The following LRP1B variants were observed in gnomAD, a reference collection of about 807,000 sequenced individuals.
LRP1B encodes LDL receptor related protein 1B.
A neutral mutation model predicts 556.6 loss-of-function variants in LRP1B; 217 were observed. That is an observed-to-expected ratio of 0.39 (90% confidence interval 0.35 to 0.44). The LOEUF is 0.44. Ranked by LOEUF, LRP1B falls within the 20% of genes least tolerant of loss-of-function variation. The probability of loss-of-function intolerance (pLI) is 1.00; values close to 1 mark genes in which losing one functional copy is unlikely to be tolerated. For missense variants in LRP1B, 5,053 were observed against 5,620.8 expected (o/e 0.90, Z 3.23); for synonymous variants, 2,047 against 1,865.8 (o/e 1.10, Z -2.50).
intron 62 of LRP1B, among the ~76,000 whole-genome samples, chr2:140,453,752 T>C (rs191050357): frequency 5.9e-5 from 9 of 152,310 alleles, no homozygotes; most frequent in Admixed American, 5.9e-4. Context: ...TCTCAGATTA[T>C]GTTTTCAATC....
chr2:142,083,095 C>G (rs928642031), intron 1 of LRP1B, among the ~76,000 whole-genome samples: 2 of 152,148 alleles, frequency 1.3e-5, no homozygotes, highest in East Asian at 3.9e-4. Context: ...AGAAAACTGG[C>G]TCAAGGTAGA....
At chr2:140,335,562 TC>T in intron 78 of LRP1B, 52 bp downstream of exon 78, 1 of 1,078,882 alleles carries the variant, frequency 9.3e-7, no homozygotes, top group Non-Finnish European at 1.4e-6. Flanking sequence ...GAGCATAATT[TC>T]TAAAAAGGAT....
intron 1 of LRP1B, among the ~76,000 whole-genome samples, chr2:141,913,592 CT>C (rs1366307185): frequency 2.0e-5 from 3 of 151,954 alleles, no homozygotes; most frequent in Non-Finnish European, 2.9e-5. Flanking sequence ...AAGAAACTTT[CT>C]CAATTACAAG....
chr2:140,689,921 T>C (rs1201614066), intron 41 of LRP1B, among the ~76,000 whole-genome samples: 2 of 152,214 alleles, frequency 1.3e-5, no homozygotes, highest in Non-Finnish European at 2.9e-5. Flanking sequence ...CTCCCAAGCC[T>C]GAACACCTAT....
At chr2:140,563,846 G>A (rs113415695) in intron 43 of LRP1B, among the ~76,000 whole-genome samples, 2,671 of 152,174 alleles carry the variant, frequency 0.018, 77 homozygotes, top group African/African-American at 0.061. Context: ...ATATTTTACC[G>A]AATAGACAGA....
At position 140,541,111 on chromosome 2, in the gene LRP1B, G is replaced by C; in HGVS notation, c.7388-13C>G. On this transcript the variant is annotated splice_polypyrimidine_tract_variant and intron_variant, in intron 44 of 90. Transcript: ENST00000389484. ...GGAGAAAGTTCACCTACAATAAAGA[G>C]GGTGTATTGGTAACATTTTATATCG... The C allele has an allele frequency of 6.3e-7, 1 of 1,598,672 alleles. No homozygotes were observed. The highest frequency in any genetic ancestry group is 8.6e-7 in the Non-Finnish European group (1 of 1,168,906).
intron 1 of LRP1B, among the ~76,000 whole-genome samples, chr2:141,917,754 A>T (rs914057485): frequency 1.3e-5 from 2 of 152,184 alleles, no homozygotes; most frequent in Admixed American, 6.5e-5. Context: ...CTACTGTCAC[A>T]ATTATGTAAT....
chr2:141,827,425 T>C (rs1046841646), intron 1 of LRP1B, among the ~76,000 whole-genome samples: 1 of 152,184 alleles, frequency 6.6e-6, no homozygotes, highest in African/African-American at 2.4e-5. Context: ...CTTCCTCTGT[T>C]TGGGGGCATC....
rs777000472 is a variant in LRP1B, at chr2:140,506,780, T to G, written c.8521+16A>C. The G allele has an allele frequency of 1.2e-6, 2 of 1,601,778 alleles. No homozygotes were observed. Among genetic ancestry groups the G allele is most frequent in the East Asian group, 4.5e-5 (2 of 44,618 alleles). On this transcript the variant is annotated intron_variant, in intron 53 of 90. Transcript: ENST00000389484. ...TAGCCTAGGAATCTCCTTCATGAAG[T>G]TTTAGATGTACTTACCACACTGCGG...
intron 1 of LRP1B, among the ~76,000 whole-genome samples, chr2:142,046,208 TG>T (rs995142386): frequency 4.0e-5 from 6 of 151,828 alleles, no homozygotes; most frequent in Admixed American, 6.6e-5. Flanking sequence ...TTTTCAGGGT[TG>T]GGGGGCAGTT....
At chr2:141,358,053 G>A (rs535459304) in intron 3 of LRP1B, among the ~76,000 whole-genome samples, 2 of 152,262 alleles carry the variant, frequency 1.3e-5, no homozygotes, top group Non-Finnish European at 2.9e-5. Flanking sequence ...AGAATGTATT[G>A]TTTTATACTT....
chr2:140,903,062 G>T lies in LRP1B; in HGVS notation c.3624C>A (p.Asp1208Glu), dbSNP rs756987490. 6.2e-7 allele frequency: 1 copy of T among 1,613,568 alleles called. No homozygotes were observed. Among genetic ancestry groups the T allele is most frequent in the Non-Finnish European group, 8.5e-7 (1 of 1,179,720 alleles). Residue 1208 changes from aspartate (D) to glutamate (E), a missense_variant, in exon 23 of 91, where the codon GAC becomes GAA. This residue lies in a region of LRP1B where 3,619 missense variants were observed against 3,931.9 expected (regional missense o/e 0.92). Coordinates refer to ENST00000389484, the MANE Select transcript of LRP1B (RefSeq NM_018557.3). ...AATCCACAATTTCACATGTTTTATT[G>T]TCTTTGTTGAGTTGAAGTCCTTCAG... ...SCPEGLQLNK[D>E]NKTCEIVDYC... is the part of the protein sequence containing the mutation.
rs373351086 is a variant in LRP1B at position 140,922,169 on chromosome 2, G to A, written c.3319+796C>T. 3.7e-4 allele frequency among the ~76,000 whole-genome samples: 56 copies of A among 151,914 alleles called. No homozygotes were observed. In the South Asian group the frequency reaches 4.2e-3, roughly 11 times the overall value. On this transcript the variant is annotated intron_variant, in intron 21 of 90. Transcript: ENST00000389484. The stretch of plus-strand genomic sequence containing the variant: ...TTCAACACATCATCTGGCATAAAGC[G>A]GGAAGAAAATAAGTTTATCATTTCA...
intron 2 of LRP1B, among the ~76,000 whole-genome samples, chr2:141,693,048 G>A (rs1348241343): frequency 6.6e-6 from 1 of 151,970 alleles, no homozygotes; most frequent in Non-Finnish European, 1.5e-5. Context: ...CAAGTAAAGA[G>A]CTCTTCTAAG....
At chr2:141,575,549 T>C (rs536322362) in intron 2 of LRP1B, among the ~76,000 whole-genome samples, 5 of 152,252 alleles carry the variant, frequency 3.3e-5, no homozygotes, top group African/African-American at 1.2e-4. Context: ...GGGCAAAGAC[T>C]TCATGACAAA....
At chr2:140,500,768 A>C (rs193250733) in intron 55 of LRP1B, among the ~76,000 whole-genome samples, 3 of 152,060 alleles carry the variant, frequency 2.0e-5, no homozygotes, top group Admixed American at 6.6e-5. Flanking sequence ...GATACACTCC[A>C]ATTCGTCATG....
chr2:140,240,728 T>TA (rs1680913949), intron 87 of LRP1B, among the ~76,000 whole-genome samples: 1 of 150,826 alleles, frequency 6.6e-6, no homozygotes, highest in African/African-American at 2.4e-5. Context: ...AACAACTAGT[T>TA]AAAATTGAAC....
chr2:141,893,434 T>A (rs1204894271), intron 1 of LRP1B, among the ~76,000 whole-genome samples: 1 of 152,108 alleles, frequency 6.6e-6, no homozygotes, highest in Non-Finnish European at 1.5e-5. Context: ...CCCCTGACCT[T>A]AGGTGATCCA....
intron 1 of LRP1B, among the ~76,000 whole-genome samples, chr2:142,055,576 A>T (rs1484860173): frequency 6.6e-6 from 1 of 152,076 alleles, no homozygotes; most frequent in Admixed American, 6.6e-5. Flanking sequence ...TAGCTCCTTC[A>T]CCTTATTATA....
Sources: gnomAD v4.1 joint callset for allele counts (sites outside exome capture counted in the v4.1 genomes callset) on GRCh38, gnomAD v4.1.1 for gene constraint, gnomAD v4.1.1 regional missense constraint, MANE v1.5 for transcripts, NCBI Gene and HGNC (gene_info 2026-07-23, HGNC 2026-07-21) for gene names.